C3: variants seen among roughly 807,000 people sequenced by gnomAD.
C3 encodes complement C3, also known as C3 and PZP-like alpha-2-macroglobulin domain-containing protein 1.
In C3, 97 loss-of-function variants were observed where a neutral mutation model predicts 207.9. That is an observed-to-expected ratio of 0.47 (90% CI 0.40 to 0.55). C3 has a LOEUF of 0.55. Ranked by LOEUF, C3 falls within the 20% of genes least tolerant of loss-of-function variation. The pLI is 0.00. For synonymous variants in C3, 848 were observed against 857.6 expected, an observed-to-expected ratio of 0.99 and a Z score of 0.20; for missense variants, 1,684 against 2,171.7, an observed-to-expected ratio of 0.78 and a Z score of 4.46.
chr19:6,684,305 G>T, intron 33 of C3, 83 bp downstream of exon 33: 1 of 1,051,374 alleles, frequency 9.5e-7, no homozygotes, highest in South Asian at 1.3e-5. Flanking sequence ...GGAAAGTACT[G>T]AATATCATGG....
chr19:6,689,533 C>T (rs1185038963), intron 27 of C3, among the ~76,000 whole-genome samples: 2 of 151,980 alleles, frequency 1.3e-5, no homozygotes, highest in Non-Finnish European at 2.9e-5. Flanking sequence ...GAAAGCTAAA[C>T]GTTAAACAAC....
rs1967537395 is a variant in C3, at chr19:6,696,526, T to C, written c.2864-61A>G. 6.3e-7 allele frequency: 1 copy of C among 1,597,840 alleles called. No homozygotes were observed. Among genetic ancestry groups the C allele is most frequent in the African/African-American group, 1.3e-5 (1 of 74,502 alleles). On this transcript the variant is annotated intron_variant, in intron 22 of 40. Transcript: ENST00000245907. ...TCCCTCCCGCCCTATCCTACCTCACTAAACCCAGGTCATTTACCCCCCTTA... is the reference window on the plus strand; with the variant it reads ...TCCCTCCCGCCCTATCCTACCTCACCAAACCCAGGTCATTTACCCCCCTTA...
chr19:6,710,674 C>T lies in C3; in HGVS notation c.1651G>A (p.Val551Met). The T allele has an allele frequency of 1.9e-6, 3 of 1,613,358 alleles. No homozygotes were observed. Among genetic ancestry groups the T allele is most frequent in the Non-Finnish European group, 2.5e-6 (3 of 1,179,850 alleles). Reference sequence around the variant, plus strand: ...CAGGAGTCCTTGACGTCCACCCACACGGAGTCGGCCACCACCTCCCTCTGG... The same window carrying T: ...CAGGAGTCCTTGACGTCCACCCACATGGAGTCGGCCACCACCTCCCTCTGG... Reference protein sequence around the residue: ...SGQREVVADSVWVDVKDSCVG... With the variant: ...SGQREVVADSMWVDVKDSCVG... Residue 551 changes from valine to methionine, a missense_variant, in exon 13 of 41, where the codon GTG (valine) becomes ATG (methionine). Coordinates refer to ENST00000245907, the MANE Select transcript of C3 (RefSeq NM_000064.4).
At chr19:6,701,320 G>A (rs1967667863) in intron 19 of C3, among the ~76,000 whole-genome samples, 1 of 152,094 alleles carries the variant, frequency 6.6e-6, no homozygotes, top group Non-Finnish European at 1.5e-5. Context: ...AATGAGACAT[G>A]CCACGTGCAT....
chr19:6,679,299 C>A lies in C3; in HGVS notation c.4547-91G>T. 11 of 1,445,174 alleles carry A rather than the reference C, an allele frequency of 7.6e-6. No individual in the cohort carries two copies. In the South Asian group the frequency reaches 1.3e-4, roughly 16 times the overall value. The allele number at this position is 1,445,174 out of a possible 1,614,324, so 89.5% of individuals were successfully genotyped here. ...GTGGCCAGCCCTGGGAGCCTACCCC[C>A]CTTGGTATCCCCTGGGTATGGGTCT... On this transcript the variant is annotated intron_variant, in intron 37 of 40. Coordinates refer to ENST00000245907, the MANE Select transcript of C3 (RefSeq NM_000064.4).
intron 23 of C3, among the ~76,000 whole-genome samples, chr19:6,695,033 G>A (rs992277746): frequency 6.6e-6 from 1 of 152,128 alleles, no homozygotes; most frequent in African/African-American, 2.4e-5. Flanking sequence ...CACTTTGGGA[G>A]GCTGGGGTGG....
rs374530406 is a variant in C3, at chr19:6,685,048, G to C, written c.3909C>G (p.Arg1303=). The change falls in exon 30 of 41, where the codon CGC becomes CGG. Residue 1303 remains arginine (R), a synonymous_variant. Coordinates refer to ENST00000245907, the MANE Select transcript of C3 (RefSeq NM_000064.4). The part of the protein sequence containing the change: ...NLDVSLQLPS[R]SSKITHRIHW... ...GGATACGGTGGGTGATCTTGGAGCTGCGGCTGGGCAGTTGGAGGGACACAT... is the reference window on the plus strand; with the variant it reads ...GGATACGGTGGGTGATCTTGGAGCTCCGGCTGGGCAGTTGGAGGGACACAT... 27 of 1,613,954 alleles carry C rather than the reference G, an allele frequency of 1.7e-5. No individual in the cohort carries two copies. The highest frequency in any genetic ancestry group is 2.2e-5 in the Non-Finnish European group (26 of 1,180,020).
rs770231810 is a variant in C3, at chr19:6,679,114, C to T, written c.4630+11G>A. ...CTAAACATGCGTGACCCCCACCCAT[C>T]ACCCACTCACCATAGTCCACTCCTG... On this transcript the variant is annotated intron_variant, in intron 38 of 40. Transcript: ENST00000245907. 2 of 1,606,150 alleles carry T rather than the reference C, an allele frequency of 1.2e-6. No individual in the cohort carries two copies. Among genetic ancestry groups the T allele is most frequent in the South Asian group, 1.1e-5 (1 of 90,958 alleles).
rs548143768 is a variant in C3 at position 6,720,421 on chromosome 19, A to C, written c.74+95T>G. The C allele has an allele frequency of 7.0e-5, 63 of 894,176 alleles. No individual in the cohort carries two copies. The East Asian group carries it at 1.3e-3, about 18-fold the overall frequency. 55.4% of individuals were successfully genotyped at this position (894,176 alleles called of 1,614,324 possible). A position where few individuals can be genotyped will look rare whatever the true frequency, so the allele number is the denominator to read the frequency against. Reference sequence around the variant, plus strand: ...CTAACCCCTGAATCCACAAACACCCAAATGCACCCTGAATTCTACAGGGAC... The same window carrying C: ...CTAACCCCTGAATCCACAAACACCCCAATGCACCCTGAATTCTACAGGGAC... On this transcript the variant is annotated intron_variant, in intron 1 of 40. Coordinates refer to ENST00000245907, the MANE Select transcript of C3 (RefSeq NM_000064.4).
intron 14 of C3, 69 bp downstream of exon 14, chr19:6,709,615 A>ACCCCCCCCCCCC: frequency 3.2e-5 from 13 of 403,594 alleles, no homozygotes; most frequent in South Asian, 1.0e-4. Flanking sequence ...CTCCAGTCCC[A>ACCCCCCCCCCCC]CCCACCTCCC....
chr19:6,679,310 C>T (rs45511693), intron 37 of C3, 97 bp downstream of exon 37: 78 of 1,446,682 alleles, frequency 5.4e-5, no homozygotes, highest in Non-Finnish European at 7.5e-5. Context: ...CTTGGTATCC[C>T]CTGGGTATGG....
chr19:6,703,359 G>C (rs946899606), intron 17 of C3, among the ~76,000 whole-genome samples: 2 of 152,138 alleles, frequency 1.3e-5, no homozygotes, highest in African/African-American at 2.4e-5. Flanking sequence ...TGTAATTCCA[G>C]CACTTTGGGA....
intron 21 of C3, 75 bp downstream of exon 21, chr19:6,697,269 C>A: frequency 8.9e-7 from 1 of 1,127,932 alleles, no homozygotes; most frequent in Non-Finnish European, 1.3e-6. Flanking sequence ...CCTGGATCTC[C>A]AACCTGAGTC....
chr19:6,707,320 G>C (rs369192427), intron 16 of C3, 47 bp from the exon 17 acceptor site: 2 of 1,601,030 alleles, frequency 1.2e-6, no homozygotes, highest in Admixed American at 1.7e-5. Context: ...GCCGGGGGCC[G>C]GCAGCAGGAG....
intron 19 of C3, among the ~76,000 whole-genome samples, chr19:6,698,577 C>G (rs1218034935): frequency 6.6e-6 from 1 of 151,884 alleles, no homozygotes; most frequent in Non-Finnish European, 1.5e-5. Context: ...GGTGCGGTGG[C>G]TCATGCCTGT....
rs189364364 is a variant in C3, at chr19:6,697,839, G to A, written c.2441-45C>T. The A allele has an allele frequency of 6.9e-5, 110 of 1,590,002 alleles. No individual in the cohort carries two copies. In the Admixed American group the frequency reaches 1.5e-3, roughly 21 times the overall value. ...ACACGGAGTGTCAAGGTCGGGGAGT[G>A]GACAAGGCCAGGCTCCTGGGTCTCA... On this transcript the variant is annotated intron_variant, in intron 19 of 40. Coordinates refer to ENST00000245907, the MANE Select transcript of C3 (RefSeq NM_000064.4).
At position 6,677,737 on chromosome 19, in the gene C3, G is replaced by T; in HGVS notation, c.*145C>A. 9.8e-7 allele frequency: 1 copy of T among 1,018,016 alleles called. No individual in the cohort carries two copies. The highest frequency in any genetic ancestry group is 1.4e-6 in the Non-Finnish European group (1 of 691,122). The allele number at this position is 1,018,016 out of a possible 1,614,324, so 63.1% of individuals were successfully genotyped here. A position where few individuals can be genotyped will look rare whatever the true frequency, so the allele number is the denominator to read the frequency against. On this transcript the variant is annotated 3_prime_UTR_variant, in exon 41 of 41. Transcript: ENST00000245907. Reference sequence around the variant, plus strand: ...CAGGCGAACGCCAGGAGAAAATGCGGTGGGAACAGGTGAGGTTTCAAGTAG... The same window carrying T: ...CAGGCGAACGCCAGGAGAAAATGCGTTGGGAACAGGTGAGGTTTCAAGTAG...
rs1330831783 is a variant in C3 at position 6,679,510 on chromosome 19, T to C, written c.4457-14A>G. On this transcript the variant is annotated splice_polypyrimidine_tract_variant and intron_variant, in intron 36 of 40. Transcript: ENST00000245907. ...TACAGCTTTCCTCTGCGGGCAGATG[T>C]GATGTGAAGATGAGAGGATAAGGGC... The C allele has an allele frequency of 1.9e-6, 3 of 1,579,764 alleles. No homozygotes were observed.
In C3 at chr19:6,684,585, G is replaced by C. The variant is rs527830114; in HGVS notation, c.4095C>G (p.Val1365=). 167 of 1,613,822 alleles carry C rather than the reference G, an allele frequency of 1.0e-4. No homozygotes were observed. The highest frequency in any genetic ancestry group is 1.3e-4 in the Non-Finnish European group (159 of 1,179,838). Residue 1365 remains valine (V), a synonymous_variant, in exon 32 of 41, where the codon GTC becomes GTG. Coordinates refer to ENST00000245907, the MANE Select transcript of C3 (RefSeq NM_000064.4). ...QLTCNKFDLK[V]TIKPAPETEK... is the part of the protein sequence containing the mutation. ...CTGTTTCCGGTGCTGGTTTTATGGT[G>C]ACCTTGAGGTCGAATTTATTACAGG... is the stretch of plus-strand genomic sequence containing the variant.
Sources: allele counts gnomAD v4.1 joint callset (sites outside exome capture counted in the v4.1 genomes callset), GRCh38; gene constraint gnomAD v4.1.1; transcripts MANE v1.5; gene names NCBI Gene and HGNC (gene_info 2026-07-23, HGNC 2026-07-21).